RALGPS1: variants seen among roughly 807,000 people sequenced by gnomAD.
The protein encoded by RALGPS1 is Ral GEF with PH domain and SH3 binding motif 1, also known as ras-specific guanine nucleotide-releasing factor RalGPS1.
A neutral mutation model predicts 78.8 loss-of-function variants in RALGPS1; 19 were observed. That is an observed-to-expected ratio of 0.24 (90% CI 0.17 to 0.35). The LOEUF is 0.35. Ranked by LOEUF, RALGPS1 falls within the 10% of genes least tolerant of loss-of-function variation. RALGPS1 has a pLI of 1.00. For synonymous variants in RALGPS1, 228 were observed against 256.3 expected, an observed-to-expected ratio of 0.89 and a Z score of 1.06; for missense variants, 454 against 688.3, an observed-to-expected ratio of 0.66 and a Z score of 3.81.
At chr9:127,064,461 A>G (rs1589276588) in intron 7 of RALGPS1, among the ~76,000 whole-genome samples, 1 of 152,370 alleles carries the variant, frequency 6.6e-6, no homozygotes, top group Non-Finnish European at 1.5e-5. Context: ...ATGCACGTGA[A>G]TTTTAAAAAT....
chr9:127,059,706 A>G (rs931910824), intron 7 of RALGPS1, among the ~76,000 whole-genome samples: 8 of 152,082 alleles, frequency 5.3e-5, no homozygotes, highest in African/African-American at 1.9e-4. Context: ...CCTGCACCCT[A>G]GAACCCTGTT....
chr9:126,944,794 C>T (rs1221225454), intron 1 of RALGPS1, among the ~76,000 whole-genome samples: 2 of 152,140 alleles, frequency 1.3e-5, no homozygotes. Flanking sequence ...CACAGTGTCC[C>T]TTTTCTGTTT....
chr9:126,976,001 C>T (rs1373879735), intron 3 of RALGPS1, among the ~76,000 whole-genome samples: 1 of 152,216 alleles, frequency 6.6e-6, no homozygotes, highest in Non-Finnish European at 1.5e-5. Flanking sequence ...TTCCTCTCCA[C>T]TCTGCCTGAG....
At chr9:127,072,506 G>C (rs2050296349) in intron 8 of RALGPS1, among the ~76,000 whole-genome samples, 1 of 152,144 alleles carries the variant, frequency 6.6e-6, no homozygotes, top group South Asian at 2.1e-4. Flanking sequence ...CATTTGAATT[G>C]TGTCCATTCT....
intron 4 of RALGPS1, among the ~76,000 whole-genome samples, chr9:127,024,862 A>G (rs530977271): frequency 2.6e-5 from 4 of 152,248 alleles, no homozygotes; most frequent in African/African-American, 9.6e-5. Context: ...CTGTTTTTAT[A>G]GGACCTTCCT....
intron 8 of RALGPS1, among the ~76,000 whole-genome samples, chr9:127,143,357 T>C (rs1349407057): frequency 6.6e-6 from 1 of 152,236 alleles, no homozygotes; most frequent in African/African-American, 2.4e-5. Flanking sequence ...CCCTGCTAGC[T>C]TTCACACTGG....
intron 8 of RALGPS1, among the ~76,000 whole-genome samples, chr9:127,070,349 T>C (rs1249773242): frequency 6.6e-6 from 1 of 152,248 alleles, no homozygotes; most frequent in Non-Finnish European, 1.5e-5. Flanking sequence ...ACATTTTTGC[T>C]ATTAAAATGT....
At chr9:127,190,287 A>C (rs888437802) in intron 11 of RALGPS1, among the ~76,000 whole-genome samples, 5 of 152,232 alleles carry the variant, frequency 3.3e-5, no homozygotes, top group Admixed American at 3.3e-4. Context: ...TTCTTTTGCA[A>C]CTTACTCTCT....
Position 127,217,008 on chromosome 9 carries a change from G to T in RALGPS1, c.1645-1732G>T. On this transcript the variant is annotated intron_variant, in intron 18 of 18. Transcript: ENST00000259351. The stretch of plus-strand genomic sequence containing the variant: ...GGCAGGGCCCTGTGCCTGAAGCCTG[G>T]GCACCATGGTGGCCCCAGTCAGGAG... The T allele has an allele frequency of 2.6e-6, 4 of 1,526,674 alleles. No individual in the cohort carries two copies. In the South Asian group the frequency reaches 5.0e-5, roughly 19 times the overall value. 94.6% of individuals were successfully genotyped at this position (1,526,674 alleles called of 1,614,324 possible). A position where few individuals can be genotyped will look rare whatever the true frequency, so the allele number is the denominator to read the frequency against.
chr9:127,051,791 C>T (rs772231997), intron 6 of RALGPS1, among the ~76,000 whole-genome samples: 5 of 152,148 alleles, frequency 3.3e-5, no homozygotes, highest in Non-Finnish European at 7.4e-5. Context: ...TGTCCCTGCT[C>T]TCGGGAAACA....
At chr9:126,957,719 G>A (rs566265144) in intron 1 of RALGPS1, among the ~76,000 whole-genome samples, 12 of 152,216 alleles carry the variant, frequency 7.9e-5, no homozygotes, top group Non-Finnish European at 7.4e-5. Context: ...TTTCATGGGA[G>A]TTTCTGTTGG....
At chr9:127,209,951 G>A (rs996471432) in intron 14 of RALGPS1, among the ~76,000 whole-genome samples, 1 of 152,238 alleles carries the variant, frequency 6.6e-6, no homozygotes, top group African/African-American at 2.4e-5. Context: ...AATAGGCCAT[G>A]CCTCAAGGGT....
At chr9:126,993,182 A>G (rs2042425857) in intron 4 of RALGPS1, among the ~76,000 whole-genome samples, 2 of 152,186 alleles carry the variant, frequency 1.3e-5, no homozygotes. Context: ...ACATTGATCG[A>G]TTTTTGACTA....
rs762527164 is a variant in RALGPS1 at position 127,108,497 on chromosome 9, G to A, written c.610+39141G>A. 5.6e-6 allele frequency: 9 copies of A among 1,612,732 alleles called. No homozygotes were observed. In the South Asian group the frequency reaches 7.7e-5, roughly 14 times the overall value. ...TGCTTATGCACTCGGTTCTCCAGAA[G>A]CACCTCAGGCTCCTTGGAGTTGACG... On this transcript the variant is annotated intron_variant, in intron 8 of 18. Coordinates refer to ENST00000259351, the MANE Select transcript of RALGPS1 (RefSeq NM_014636.3).
intron 7 of RALGPS1, among the ~76,000 whole-genome samples, chr9:127,063,088 T>C (rs1001173762): frequency 4.6e-5 from 7 of 152,198 alleles, no homozygotes; most frequent in South Asian, 4.1e-4. Flanking sequence ...AATATTTCCA[T>C]GTATCAAGAA....
At chr9:127,043,496 A>G (rs888675831) in intron 5 of RALGPS1, among the ~76,000 whole-genome samples, 7 of 152,208 alleles carry the variant, frequency 4.6e-5, no homozygotes, top group Admixed American at 6.5e-5. Flanking sequence ...AGACAAAACT[A>G]TAAAACTTTT....
chr9:127,129,300 A>G (rs2056842870), intron 8 of RALGPS1, among the ~76,000 whole-genome samples: 3 of 152,158 alleles, frequency 2.0e-5, no homozygotes, highest in African/African-American at 2.4e-5. Context: ...AAATTCATAG[A>G]CACTTTCCAA....
At chr9:127,093,608 G>T in intron 8 of RALGPS1, 1 of 1,187,420 alleles carries the variant, frequency 8.4e-7, no homozygotes, top group Non-Finnish European at 1.2e-6. Flanking sequence ...TGTTGTTGGG[G>T]CCGCACAGGC....
intron 1 of RALGPS1, among the ~76,000 whole-genome samples, chr9:126,924,049 T>C (rs974588618): frequency 6.6e-6 from 1 of 152,228 alleles, no homozygotes; most frequent in African/African-American, 2.4e-5. Flanking sequence ...GTCTACTCTT[T>C]CCACTTTCCA....
Sources: allele counts gnomAD v4.1 joint callset (sites outside exome capture counted in the v4.1 genomes callset), GRCh38; gene constraint gnomAD v4.1.1; transcripts MANE v1.5; gene names NCBI Gene and HGNC (gene_info 2026-07-23, HGNC 2026-07-21).